Variants in PZP observed in about 807,000 individuals in gnomAD.
The protein encoded by PZP is pregnancy zone protein.
Under a neutral mutation model 179.8 loss-of-function variants are expected in PZP, and 150 were observed. The ratio of observed to expected loss-of-function variants is 0.83; its 90% CI spans 0.73 to 0.96. The LOEUF (loss-of-function observed/expected upper bound fraction) is 0.96, where lower values mean the gene tolerates loss of function less well. Ranked by LOEUF, PZP falls within the 40% of genes least tolerant of loss-of-function variation. PZP has a pLI of 0.00. For synonymous variants in PZP, 624 were observed against 652.3 expected (o/e 0.96, Z 0.66); for missense variants, 1,689 against 1,764.0 (o/e 0.96, Z 0.76).
intron 8 of PZP, 34 bp downstream of exon 8, chr12:9,196,978 G>T (rs200980115): frequency 6.9e-7 from 1 of 1,438,880 alleles, no homozygotes. Flanking sequence ...GTTGTAAACA[G>T]TGATAGCACT....
chr12:9,199,895 T>C (rs1402117788), intron 7 of PZP, among the ~76,000 whole-genome samples: 1 of 152,180 alleles, frequency 6.6e-6, no homozygotes, highest in Non-Finnish European at 1.5e-5. Context: ...AAAAGGTACT[T>C]AGGAGTCATA....
At chr12:9,136,508 C>A in the PZP span, among the ~76,000 whole-genome samples, 1 of 151,946 alleles carries the variant, frequency 6.6e-6, no homozygotes, top group African/African-American at 2.4e-5. Flanking sequence ...AGGCAATATT[C>A]CATTGTGCAT....
chr12:9,145,080 A>G (rs73054026), downstream of PZP, among the ~76,000 whole-genome samples: 1,775 of 152,256 alleles, frequency 0.012, 13 homozygotes, highest in Non-Finnish European at 0.019. Flanking sequence ...TAAAGTAAGT[A>G]CCTTGTATAT....
At position 9,153,248 on chromosome 12, in the gene PZP, C is replaced by G. The variant is rs922385979; in HGVS notation, c.3870G>C (p.Gln1290His). The stretch of plus-strand genomic sequence containing the variant: ...CTACTTGGAAATTTGTAGAAAAGGT[C>G]TGTGAATCCTGAACGGTGACCTGTG... ...KTAQVTVQDS[Q>H]TFSTNFQVDN... Residue 1290 changes from glutamine to histidine, a missense_variant, in exon 30 of 36, where the codon CAG becomes CAC. Transcript: ENST00000261336. The G allele has an allele frequency of 6.2e-7, 1 of 1,614,044 alleles. No homozygotes were observed. Among genetic ancestry groups the G allele is most frequent in the African/African-American group, 1.3e-5 (1 of 74,926 alleles).
At chr12:9,181,219 T>G in intron 14 of PZP, 87 bp from the exon 15 acceptor site, 1 of 1,536,536 alleles carries the variant, frequency 6.5e-7, no homozygotes, top group Non-Finnish European at 8.9e-7. Flanking sequence ...CACCCTTATA[T>G]TCAGTTCATA....
chr12:9,166,252 A>G, intron 17 of PZP, 50 bp from the exon 18 acceptor site: 1 of 1,579,196 alleles, frequency 6.3e-7, no homozygotes, highest in Middle Eastern at 1.7e-4. Flanking sequence ...CATTAATTTC[A>G]TGGTGCACAT....
intron 13 of PZP, among the ~76,000 whole-genome samples, chr12:9,183,174 AT>A (rs1201130563): frequency 6.6e-6 from 1 of 152,226 alleles, no homozygotes. Context: ...ACAAAGTATA[AT>A]ATCAGGATGA....
intron 13 of PZP, among the ~76,000 whole-genome samples, chr12:9,186,059 A>G (rs4883219): frequency 0.6 from 91,667 of 151,670 alleles, 27,753 homozygotes; most frequent in Admixed American, 0.67. Flanking sequence ...GACCACCTTG[A>G]CCCCCCAAAG....
intron 28 of PZP, 122 bp downstream of exon 28, chr12:9,157,053 A>G: frequency 1.2e-6 from 1 of 863,754 alleles, no homozygotes; most frequent in Non-Finnish European, 1.7e-6. Context: ...TCCCCCATGC[A>G]TTAGCTATCT....
intron 13 of PZP, among the ~76,000 whole-genome samples, chr12:9,191,412 T>G (rs1053252730): frequency 5.9e-5 from 9 of 152,086 alleles, no homozygotes; most frequent in African/African-American, 2.2e-4. Flanking sequence ...AAAATAATTA[T>G]TAATTATTAG....
Position 9,184,136 on chromosome 12 carries a change from T to C in PZP, c.1547-2019A>G, listed in dbSNP as rs117098348. Among the ~76,000 whole-genome samples, 127 of 152,238 alleles carry C rather than the reference T, an allele frequency of 8.3e-4. 1 individual carries two copies. The East Asian group carries it at 0.024, about 29-fold the overall frequency. ...TTTAATAATAAAATTTGCCAACACA[T>C]GTGTGTGTGTGCACCCTGCCTTGCC... On this transcript the variant is annotated intron_variant, in intron 13 of 35. Coordinates refer to ENST00000261336, the MANE Select transcript of PZP (RefSeq NM_002864.3).
At chr12:9,193,968 A>T in intron 11 of PZP, 109 bp downstream of exon 11, 1 of 1,085,246 alleles carries the variant, frequency 9.2e-7, no homozygotes, top group Non-Finnish European at 1.3e-6. Context: ...ACTCAAAGTT[A>T]GATATCTTCT....
At chr12:9,184,884 A>G (rs1237450109) in intron 13 of PZP, among the ~76,000 whole-genome samples, 1 of 152,198 alleles carries the variant, frequency 6.6e-6, no homozygotes, top group Non-Finnish European at 1.5e-5. Flanking sequence ...TTATACCACA[A>G]TCAAACCTCC....
rs1451278339 is a variant in PZP at position 9,150,707 on chromosome 12, G to A, written c.4321C>T (p.Gln1441Ter). 4 of 1,613,032 alleles carry A rather than the reference G, an allele frequency of 2.5e-6. No homozygotes were observed. The highest frequency in any genetic ancestry group is 1.1e-5 in the South Asian group (1 of 90,954). Residue 1441 changes from glutamine to a stop codon, truncating the protein, a stop_gained, in exon 34 of 36, where the codon CAA (glutamine) becomes TAA (stop). Coordinates refer to ENST00000261336, the MANE Select transcript of PZP (RefSeq NM_002864.3). LOFTEE classifies it high-confidence loss of function. ...QTLSFSFMVL[Q>*]DIPVGDLKPA... ...TTCAAGTCTCCTACTGGGATGTCTT[G>A]CAGAACCATGAAGGAAAAACTTAGC...
In PZP at chr12:9,182,712, G is replaced by A. The variant is rs116482431; in HGVS notation, c.1547-595C>T. 3.1e-3 allele frequency among the ~76,000 whole-genome samples: 467 copies of A among 152,310 alleles called. 7 individuals are homozygous for A. The highest frequency in any genetic ancestry group is 0.011 in the African/African-American group (459 of 41,550). On this transcript the variant is annotated intron_variant, in intron 13 of 35. Transcript: ENST00000261336. ...AATACTTTACATTTTAAAGCAGGGT[G>A]AAGGGCCACCAGGTAGCTACAAAAG...
intron 15 of PZP, 68 bp downstream of exon 15, chr12:9,180,915 A>T (rs181690570): frequency 6.5e-7 from 1 of 1,531,096 alleles, no homozygotes; most frequent in Non-Finnish European, 8.8e-7. Flanking sequence ...ACAAAGGGCT[A>T]ATAGAGGCTT....
intron 22 of PZP, among the ~76,000 whole-genome samples, chr12:9,161,936 G>T (rs907238043): frequency 5.9e-5 from 9 of 151,978 alleles, no homozygotes; most frequent in African/African-American, 2.2e-4. Context: ...TCATGACCCT[G>T]CTGTCTTTAG....
chr12:9,144,158 C>T (rs1350600307), downstream of PZP, among the ~76,000 whole-genome samples: 1 of 151,754 alleles, frequency 6.6e-6, no homozygotes, highest in Non-Finnish European at 1.5e-5. Flanking sequence ...ACCAGAGCCA[C>T]ATGAGGAAGA....
At chr12:9,178,386 G>A (rs113526391) in intron 15 of PZP, among the ~76,000 whole-genome samples, 13 of 152,258 alleles carry the variant, frequency 8.5e-5, no homozygotes, top group African/African-American at 2.9e-4. Context: ...CAGTATCTCA[G>A]TGCTTGTGTT....
Sources: gnomAD v4.1 joint callset for allele counts (sites outside exome capture counted in the v4.1 genomes callset) on GRCh38, gnomAD v4.1.1 for gene constraint, MANE v1.5 for transcripts, NCBI Gene and HGNC (gene_info 2026-07-23, HGNC 2026-07-21) for gene names.